Variants in EXOC6 observed in about 807,000 individuals in gnomAD.
EXOC6 encodes SEC15-like 1.
EXOC6 carries 60 observed loss-of-function variants against 112.5 expected under a neutral mutation model. The observed-to-expected ratio is 0.53, with a 90% CI of 0.43 to 0.66. EXOC6 has a LOEUF of 0.66. Ranked by LOEUF, EXOC6 falls within the 30% of genes least tolerant of loss-of-function variation. The pLI is 0.00. For missense variants in EXOC6, 855 were observed against 957.1 expected (o/e 0.89, Z 1.41); for synonymous variants, 295 against 308.0 (o/e 0.96, Z 0.44).
chr10:92,841,930 A>G (rs1410682214), intron 1 of EXOC6, among the ~76,000 whole-genome samples: 1 of 152,212 alleles, frequency 6.6e-6, no homozygotes, highest in Non-Finnish European at 1.5e-5. Flanking sequence ...CACATTTACA[A>G]TGTGACAGGC....
chr10:92,930,047 G>T (rs1432741549), intron 9 of EXOC6, among the ~76,000 whole-genome samples: 1 of 152,178 alleles, frequency 6.6e-6, no homozygotes, highest in Admixed American at 6.5e-5. Flanking sequence ...GAACACCAAA[G>T]ATAAAGAGGA....
At chr10:93,003,016 C>T (rs1035001428) in intron 19 of EXOC6, among the ~76,000 whole-genome samples, 1 of 152,106 alleles carries the variant, frequency 6.6e-6, no homozygotes, top group Non-Finnish European at 1.5e-5. Context: ...GATTGGAAAT[C>T]ATGAGCCACC....
intron 1 of EXOC6, 62 bp downstream of exon 1, chr10:92,848,696 C>A (rs1446528195): frequency 3.3e-6 from 4 of 1,209,692 alleles, no homozygotes; most frequent in Admixed American, 4.1e-5. Flanking sequence ...TCCTCACGAG[C>A]CGGGCGGGGC....
At chr10:92,989,952 T>G (rs1589986319) in intron 18 of EXOC6, among the ~76,000 whole-genome samples, 1 of 152,234 alleles carries the variant, frequency 6.6e-6, no homozygotes, top group Non-Finnish European at 1.5e-5. Flanking sequence ...TATTTTGATA[T>G]CCATTTTTAT....
chr10:92,903,244 A>G lies in EXOC6; in HGVS notation c.458+3600A>G, dbSNP rs1054223305. 3.9e-5 allele frequency among the ~76,000 whole-genome samples: 6 copies of G among 152,106 alleles called. No homozygotes were observed. In the East Asian group the frequency reaches 5.8e-4, roughly 15 times the overall value. On this transcript the variant is annotated intron_variant, in intron 5 of 21. Transcript: ENST00000260762. Reference sequence around the variant, plus strand: ...AATATAAGAATTTCATTTGCTCCACATCCTTGCAAACGTATGGTGTTTAAT... The same window carrying G: ...AATATAAGAATTTCATTTGCTCCACGTCCTTGCAAACGTATGGTGTTTAAT...
chr10:92,873,209 G>T (rs572465683), intron 1 of EXOC6, among the ~76,000 whole-genome samples: 1 of 152,252 alleles, frequency 6.6e-6, no homozygotes, highest in South Asian at 2.1e-4. Context: ...CAGGAAGGAG[G>T]AAGTCTATTG....
At chr10:92,953,070 T>C (rs912773658) in intron 15 of EXOC6, among the ~76,000 whole-genome samples, 1 of 152,078 alleles carries the variant, frequency 6.6e-6, no homozygotes, top group African/African-American at 2.4e-5. Context: ...TTTGTTTTTG[T>C]TTTTGCTTTT....
intron 20 of EXOC6, among the ~76,000 whole-genome samples, chr10:93,023,625 A>AC (rs1844885181): frequency 6.6e-6 from 1 of 151,858 alleles, no homozygotes; most frequent in African/African-American, 2.4e-5. Flanking sequence ...TCATCCTGTT[A>AC]CCCCCTATTC....
At chr10:92,951,520 C>T (rs1853411069) in intron 14 of EXOC6, among the ~76,000 whole-genome samples, 1 of 152,108 alleles carries the variant, frequency 6.6e-6, no homozygotes, top group Non-Finnish European at 1.5e-5. Flanking sequence ...CTGGATTGAA[C>T]AACTGTGAGA....
At chr10:93,005,713 C>T (rs531633495) in intron 19 of EXOC6, among the ~76,000 whole-genome samples, 62 of 152,168 alleles carry the variant, frequency 4.1e-4, no homozygotes, top group African/African-American at 1.3e-3. Context: ...GTTATTAGCT[C>T]CTAAGGGTTT....
At chr10:93,018,613 C>CTT (rs11290790) in intron 20 of EXOC6, among the ~76,000 whole-genome samples, 18,207 of 147,494 alleles carry the variant, frequency 0.12, 1,222 homozygotes, top group African/African-American at 0.17. Flanking sequence ...TAAAAAGGAA[C>CTT]TTTTTTTTTT....
intron 1 of EXOC6, among the ~76,000 whole-genome samples, chr10:92,827,474 C>CAAAA (rs60863083): frequency 0.092 from 3,058 of 33,202 alleles, 1,048 homozygotes; most frequent in Non-Finnish European, 0.12. Flanking sequence ...GCCCTGTTGC[C>CAAAA]AAAAAAAAAA....
chr10:92,893,133 G>C (rs1441233538), intron 1 of EXOC6, among the ~76,000 whole-genome samples: 1 of 152,056 alleles, frequency 6.6e-6, no homozygotes, highest in Non-Finnish European at 1.5e-5. Flanking sequence ...TTTATTTCCA[G>C]ATACCTCATG....
intron 6 of EXOC6, among the ~76,000 whole-genome samples, chr10:92,914,784 A>G (rs1240575407): frequency 6.6e-6 from 1 of 152,204 alleles, no homozygotes; most frequent in African/African-American, 2.4e-5. Context: ...GAACTCACCT[A>G]AAATAGCCAG....
chr10:92,883,774 A>T (rs75784302), intron 1 of EXOC6, among the ~76,000 whole-genome samples: 1 of 152,234 alleles, frequency 6.6e-6, no homozygotes, highest in Non-Finnish European at 1.5e-5. Flanking sequence ...CTGGCAGAAA[A>T]TAGGTTAGTG....
upstream of EXOC6, chr10:92,848,449 G>A: frequency 1.5e-4 from 49 of 330,708 alleles, no homozygotes; most frequent in Non-Finnish European, 1.9e-4. Context: ...CCCCCGCCCC[G>A]CCCCTTCGCG....
chr10:93,051,226 A>C (rs1652297985), intron 20 of EXOC6, among the ~76,000 whole-genome samples: 1 of 152,182 alleles, frequency 6.6e-6, no homozygotes, highest in Non-Finnish European at 1.5e-5. Context: ...AAAATACTTT[A>C]AGAACATTCT....
intron 1 of EXOC6, among the ~76,000 whole-genome samples, chr10:92,836,717 T>G (rs1846669112): frequency 6.6e-6 from 1 of 152,198 alleles, no homozygotes; most frequent in Non-Finnish European, 1.5e-5. Flanking sequence ...TTTCTTAGAT[T>G]GGCATTTGAT....
chr10:93,039,177 G>A (rs1845654061), intron 20 of EXOC6, among the ~76,000 whole-genome samples: 1 of 152,070 alleles, frequency 6.6e-6, no homozygotes, highest in Admixed American at 6.6e-5. Context: ...TATTGCTGAA[G>A]GTATTTTTTT....
Sources: allele counts gnomAD v4.1 joint callset (sites outside exome capture counted in the v4.1 genomes callset), GRCh38; gene constraint gnomAD v4.1.1; transcripts MANE v1.5; gene names NCBI Gene and HGNC (gene_info 2026-07-23, HGNC 2026-07-21).